The following EPB41L2 variants were observed in gnomAD, a reference collection of about 807,000 sequenced individuals.
The protein encoded by EPB41L2 is band 4.1-like protein 2.
In EPB41L2, 43 loss-of-function variants were observed where a neutral mutation model predicts 113.0. The observed-to-expected ratio is 0.38, with a 90% confidence interval of 0.30 to 0.49. The LOEUF (loss-of-function observed/expected upper bound fraction) is 0.49. Ranked by LOEUF, EPB41L2 falls within the 20% of genes least tolerant of loss-of-function variation. The pLI, the probability that EPB41L2 is intolerant of heterozygous loss-of-function variation, is 0.95. For synonymous variants in EPB41L2, 442 were observed against 436.7 expected (o/e 1.01, Z -0.15); for missense variants, 1,147 against 1,223.4 (o/e 0.94, Z 0.93).
At chr6:131,057,621 T>C (rs2128206474) in intron 1 of EPB41L2, among the ~76,000 whole-genome samples, 1 of 152,298 alleles carries the variant, frequency 6.6e-6, no homozygotes, top group East Asian at 1.9e-4. Context: ...ATACAAGGGC[T>C]TGGAAAAGGT....
At chr6:130,896,791 C>T (rs537439997) in intron 8 of EPB41L2, among the ~76,000 whole-genome samples, 1 of 152,164 alleles carries the variant, frequency 6.6e-6, no homozygotes, top group Admixed American at 6.5e-5. Flanking sequence ...GAAAGGAGCA[C>T]CTTCTCTGCA....
intron 1 of EPB41L2, chr6:131,015,750 A>G (rs1314491860): frequency 1.3e-5 from 2 of 152,246 alleles, no homozygotes; most frequent in East Asian, 1.9e-4. Flanking sequence ...TTGTACAGTT[A>G]CTATATTAAA....
intron 3 of EPB41L2, among the ~76,000 whole-genome samples, chr6:130,936,475 A>G (rs1012231617): frequency 1.3e-5 from 2 of 152,192 alleles, no homozygotes; most frequent in Non-Finnish European, 2.9e-5. Flanking sequence ...CTTACTTGTA[A>G]AAGTACTAAA....
chr6:130,892,323 T>C (rs1462813373), intron 10 of EPB41L2, among the ~76,000 whole-genome samples: 2 of 148,594 alleles, frequency 1.3e-5, no homozygotes, highest in Non-Finnish European at 1.5e-5. Context: ...TAGACCACGA[T>C]ATAAAGCAAT....
rs3777437 is a variant in EPB41L2, at chr6:130,878,890, T to C, written c.1897-640A>G. Reference sequence around the variant, plus strand: ...AGGCTGCTTCTGTTTAGCCTCTTTATAGAATAAATAAACCACAGACTGGTC... The same window carrying C: ...AGGCTGCTTCTGTTTAGCCTCTTTACAGAATAAATAAACCACAGACTGGTC... On this transcript the variant is annotated intron_variant, in intron 13 of 19. Transcript: ENST00000337057. 0.02 allele frequency among the ~76,000 whole-genome samples: 3,029 copies of C among 152,274 alleles called. 196 individuals are homozygous for C. In the East Asian group the frequency reaches 0.26, roughly 13 times the overall value.
At chr6:130,862,301 AG>A (rs994890995) in intron 18 of EPB41L2, among the ~76,000 whole-genome samples, 12 of 147,866 alleles carry the variant, frequency 8.1e-5, no homozygotes, top group African/African-American at 1.8e-4. Flanking sequence ...CAATGGGGAG[AG>A]GGGGGTGGAA....
intron 1 of EPB41L2, among the ~76,000 whole-genome samples, chr6:130,983,230 T>C (rs897081838): frequency 3.9e-5 from 6 of 152,174 alleles, no homozygotes; most frequent in Non-Finnish European, 5.9e-5. Flanking sequence ...AACACACATA[T>C]ACGTATCAAC....
In EPB41L2 at chr6:130,875,025, C is replaced by A. The variant is rs191092831; in HGVS notation, c.2043+3079G>T. On this transcript the variant is annotated intron_variant, in intron 14 of 19. Coordinates refer to ENST00000337057, the MANE Select transcript of EPB41L2 (RefSeq NM_001431.4). ...GAGTCTAATTGGCTTTGGTTTCAGG[C>A]TAACCTTTAAAGTATATAAATATGT... is the stretch of plus-strand genomic sequence containing the variant. 3.3e-5 allele frequency among the ~76,000 whole-genome samples: 5 copies of A among 152,246 alleles called. No individual in the cohort carries two copies. In the East Asian group the frequency reaches 9.7e-4, roughly 29 times the overall value.
intron 5 of EPB41L2, among the ~76,000 whole-genome samples, chr6:130,905,622 T>C (rs1325467282): frequency 6.6e-6 from 1 of 152,102 alleles, no homozygotes; most frequent in Non-Finnish European, 1.5e-5. Context: ...GGTCTCCCTA[T>C]GTTGCCAGGC....
rs774883134 is a variant in EPB41L2, at chr6:130,895,071, G to A, written c.1285C>T (p.Leu429Phe). Residue 429 changes from leucine (L) to phenylalanine (F), a missense_variant, in exon 9 of 20, where the codon CTC becomes TTC. Physicochemically the swap from Leu to Phe is conservative, Grantham distance 22. Transcript: ENST00000337057. ...IKLGVCANGL[L>F]IYKDRLRINR... ...ATTCGCAGTCTGTCTTTGTAAATGA[G>A]AAGTCCATTAGCACACACGCCCAGC... 1.2e-6 allele frequency: 2 copies of A among 1,613,896 alleles called. No homozygotes were observed. Among genetic ancestry groups the A allele is most frequent in the South Asian group, 2.2e-5 (2 of 91,048 alleles).
At chr6:130,917,474 C>G (rs1228829298) in intron 4 of EPB41L2, among the ~76,000 whole-genome samples, 1 of 152,134 alleles carries the variant, frequency 6.6e-6, no homozygotes, top group African/African-American at 2.4e-5. Context: ...CAAGTGATAT[C>G]AGATCACCCT....
At chr6:131,058,534 A>G (rs1798035924) in intron 1 of EPB41L2, among the ~76,000 whole-genome samples, 1 of 152,164 alleles carries the variant, frequency 6.6e-6, no homozygotes, top group Non-Finnish European at 1.5e-5. Context: ...CAACTCTATC[A>G]AAGAATCTTC....
chr6:130,892,839 C>T (rs1793419899), intron 10 of EPB41L2, among the ~76,000 whole-genome samples: 1 of 152,068 alleles, frequency 6.6e-6, no homozygotes, highest in South Asian at 2.1e-4. Context: ...CAAAACAATC[C>T]TATGAGGTAG....
chr6:130,869,890 G>A lies in EPB41L2; in HGVS notation c.2280C>T (p.His760=). Reference sequence around the variant, plus strand: ...CCCTGATGGTGCCCTCGGTCACTCGGTGGTGGGGACGGTACTCTCCCACGT... The same window carrying A: ...CCCTGATGGTGCCCTCGGTCACTCGATGGTGGGGACGGTACTCTCCCACGT... ...EEDVGEYRPH[H]RVTEGTIREE... is the part of the protein sequence containing the mutation. The change falls in exon 15 of 20, where the codon CAC becomes CAT. Residue 760 remains histidine (H), a synonymous_variant. Transcript: ENST00000337057. The A allele has an allele frequency of 6.2e-7, 1 of 1,612,756 alleles. No individual in the cohort carries two copies. Among genetic ancestry groups the A allele is most frequent in the Non-Finnish European group, 8.5e-7 (1 of 1,180,000 alleles).
At chr6:131,050,508 G>A (rs914898467) in intron 1 of EPB41L2, among the ~76,000 whole-genome samples, 2 of 152,124 alleles carry the variant, frequency 1.3e-5, no homozygotes, top group African/African-American at 4.8e-5. Context: ...TCACATAACA[G>A]GCATTAGATC....
intron 15 of EPB41L2, chr6:130,867,875 T>C (rs1043140718): frequency 1.1e-4 from 39 of 362,222 alleles, no homozygotes; most frequent in Non-Finnish European, 2.1e-5. Flanking sequence ...GCTTCCTAAA[T>C]TATGTTACTC....
intron 1 of EPB41L2, among the ~76,000 whole-genome samples, chr6:130,997,402 G>A (rs1783388401): frequency 6.6e-6 from 1 of 152,140 alleles, no homozygotes. Context: ...TCCTATGAAG[G>A]TAGTCAAAAA....
intron 1 of EPB41L2, among the ~76,000 whole-genome samples, chr6:130,997,725 T>C (rs948370049): frequency 6.6e-6 from 1 of 152,030 alleles, no homozygotes; most frequent in Admixed American, 6.5e-5. Context: ...ATGTTTCCAG[T>C]AGGACACTAC....
intron 4 of EPB41L2, among the ~76,000 whole-genome samples, chr6:130,910,834 A>G (rs1157636738): frequency 6.6e-6 from 1 of 152,242 alleles, no homozygotes; most frequent in African/African-American, 2.4e-5. Context: ...ACACCATCTC[A>G]CGCCAGTTAG....
Sources: allele counts gnomAD v4.1 joint callset (sites outside exome capture counted in the v4.1 genomes callset), GRCh38; gene constraint gnomAD v4.1.1; transcripts MANE v1.5; gene names NCBI Gene and HGNC (gene_info 2026-07-23, HGNC 2026-07-21).